Variants in IMMP2L observed in about 807,000 individuals in gnomAD.
The protein encoded by IMMP2L is mitochondrial inner membrane protease subunit 2.
Under a neutral mutation model 19.3 loss-of-function variants are expected in IMMP2L, and 18 were observed. That is an observed-to-expected ratio of 0.93 (90% confidence interval 0.64 to 1.38). The LOEUF is 1.38. Among genes scored for constraint, IMMP2L ranks in the 40% most tolerant of loss-of-function variants. The pLI is 0.00. For synonymous variants in IMMP2L, 76 were observed against 73.0 expected (o/e 1.04, Z -0.21); for missense variants, 233 against 218.2 (o/e 1.07, Z -0.43).
intron 3 of IMMP2L, among the ~76,000 whole-genome samples, chr7:111,133,051 C>G (rs1011094558): frequency 6.6e-6 from 1 of 151,882 alleles, no homozygotes; most frequent in South Asian, 2.1e-4. Context: ...AGTGCTCCTT[C>G]CAAGGATCAG....
chr7:111,043,167 TC>T (rs1790743097), intron 3 of IMMP2L, among the ~76,000 whole-genome samples: 1 of 152,188 alleles, frequency 6.6e-6, no homozygotes, highest in Admixed American at 6.5e-5. Flanking sequence ...TCAAAGACAA[TC>T]CGTTATATCC....
chr7:111,107,420 T>C (rs1272852019), intron 3 of IMMP2L, among the ~76,000 whole-genome samples: 1 of 152,060 alleles, frequency 6.6e-6, no homozygotes, highest in Non-Finnish European at 1.5e-5. Context: ...TTTCAACCTC[T>C]TACCACCTTT....
At chr7:110,863,108 T>C (rs1807620710) in intron 5 of IMMP2L, among the ~76,000 whole-genome samples, 1 of 152,144 alleles carries the variant, frequency 6.6e-6, no homozygotes, top group Non-Finnish European at 1.5e-5. Flanking sequence ...TTAGAATCCA[T>C]GATCCAATGG....
At chr7:110,969,805 C>T (rs920231800) in intron 3 of IMMP2L, among the ~76,000 whole-genome samples, 3 of 152,086 alleles carry the variant, frequency 2.0e-5, no homozygotes, top group African/African-American at 7.2e-5. Context: ...AATCAGGCTA[C>T]TAAGCAGAAA....
intron 5 of IMMP2L, among the ~76,000 whole-genome samples, chr7:110,826,702 G>T (rs528337645): frequency 1.3e-5 from 2 of 152,112 alleles, no homozygotes; most frequent in Non-Finnish European, 2.9e-5. Flanking sequence ...TTGGGGGAGT[G>T]GGGAGGGATA....
At chr7:111,384,727 A>C (rs10242152) in intron 3 of IMMP2L, among the ~76,000 whole-genome samples, 3,795 of 152,268 alleles carry the variant, frequency 0.025, 179 homozygotes, top group African/African-American at 0.086. Context: ...ACGTAGCAGT[A>C]AACAGAACTG....
At chr7:111,054,594 T>G (rs1383193974) in intron 3 of IMMP2L, among the ~76,000 whole-genome samples, 1 of 152,204 alleles carries the variant, frequency 6.6e-6, no homozygotes, top group Non-Finnish European at 1.5e-5. Flanking sequence ...CTGGAGCATG[T>G]TAATTACCAC....
chr7:111,161,239 T>G (rs995273915), intron 3 of IMMP2L, among the ~76,000 whole-genome samples: 5 of 151,844 alleles, frequency 3.3e-5, no homozygotes, highest in African/African-American at 1.2e-4. Context: ...TTCCCAACTC[T>G]ATGAAGTCAA....
In IMMP2L at chr7:110,846,352, T is replaced by C. The variant is rs201360695; in HGVS notation, c.408+40241A>G. ...GCGTCTCTCCAACCCTGATTTCTTTTTTTTTTTTTTTTTTTTGTTGTTGTT... is the reference window on the plus strand; with the variant it reads ...GCGTCTCTCCAACCCTGATTTCTTTCTTTTTTTTTTTTTTTTGTTGTTGTT... On this transcript the variant is annotated intron_variant, in intron 5 of 5. Transcript: ENST00000405709. Among the ~76,000 whole-genome samples, 153 of 118,540 alleles carry C rather than the reference T, an allele frequency of 1.3e-3. 1 individual carries two copies. Among genetic ancestry groups the C allele is most frequent in the African/African-American group, 4.3e-3 (134 of 31,428 alleles). The allele number at this position is 118,540 out of a possible 152,430, so 77.8% of individuals were successfully genotyped here.
intron 3 of IMMP2L, among the ~76,000 whole-genome samples, chr7:111,215,837 A>C (rs1811868520): frequency 6.6e-6 from 1 of 152,028 alleles, no homozygotes. Flanking sequence ...TTCATTTCTC[A>C]TCTGTAAATG....
chr7:111,391,837 C>T, intron 3 of IMMP2L: 1 of 702,142 alleles, frequency 1.4e-6, no homozygotes, highest in African/African-American at 1.7e-5. Flanking sequence ...CACGACCATA[C>T]CTCTCTTTCA....
chr7:110,850,257 G>T (rs571501942), intron 5 of IMMP2L, among the ~76,000 whole-genome samples: 2 of 152,032 alleles, frequency 1.3e-5, no homozygotes, highest in Non-Finnish European at 2.9e-5. Flanking sequence ...AGGAACCAGC[G>T]ATCCCTAGCT....
At chr7:110,855,368 C>T (rs1291335631) in intron 5 of IMMP2L, among the ~76,000 whole-genome samples, 1 of 151,918 alleles carries the variant, frequency 6.6e-6, no homozygotes, top group Non-Finnish European at 1.5e-5. Context: ...TATGACAGTA[C>T]AGTGTAGTAT....
At chr7:111,446,693 C>T (rs535185621) in intron 3 of IMMP2L, among the ~76,000 whole-genome samples, 20 of 152,326 alleles carry the variant, frequency 1.3e-4, no homozygotes, top group South Asian at 8.3e-4. Context: ...AGCAACGGAA[C>T]AAAACTGGAT....
chr7:110,899,055 A>G (rs1222913028), intron 4 of IMMP2L, among the ~76,000 whole-genome samples: 3 of 151,914 alleles, frequency 2.0e-5, no homozygotes, highest in Admixed American at 2.0e-4. Context: ...TTATTTTTTA[A>G]TAATTTCTCT....
intron 5 of IMMP2L, among the ~76,000 whole-genome samples, chr7:110,839,350 A>C (rs1804817383): frequency 6.6e-6 from 1 of 152,134 alleles, no homozygotes; most frequent in South Asian, 2.1e-4. Context: ...GTCTATTAGG[A>C]TAATTCAGGC....
intron 5 of IMMP2L, among the ~76,000 whole-genome samples, chr7:110,748,087 ATTCCTG>A (rs1005206705): frequency 2.4e-4 from 37 of 152,318 alleles, no homozygotes; most frequent in Admixed American, 3.9e-4. Flanking sequence ...AATCCAAAGC[ATTCCTG>A]TACACCAATA....
chr7:111,176,023 C>G (rs1807020368), intron 3 of IMMP2L, among the ~76,000 whole-genome samples: 1 of 151,922 alleles, frequency 6.6e-6, no homozygotes, highest in Non-Finnish European at 1.5e-5. Flanking sequence ...TGAAAAGGTG[C>G]TCAACATCAC....
chr7:111,239,014 T>C (rs37714), intron 3 of IMMP2L, among the ~76,000 whole-genome samples: 4 of 151,682 alleles, frequency 2.6e-5, no homozygotes, highest in African/African-American at 9.7e-5. Flanking sequence ...ATTTCACCAA[T>C]AGTGAAAACC....
Sources: allele counts gnomAD v4.1 joint callset (sites outside exome capture counted in the v4.1 genomes callset), GRCh38; gene constraint gnomAD v4.1.1; transcripts MANE v1.5; gene names NCBI Gene and HGNC (gene_info 2026-07-23, HGNC 2026-07-21).